The following UBE2E2 variants were observed in gnomAD, a reference collection of about 807,000 sequenced individuals.
UBE2E2 encodes ubiquitin-conjugating enzyme E2 E2.
In UBE2E2, 6 loss-of-function variants were observed where a neutral mutation model predicts 24.7. That is an observed-to-expected ratio of 0.24 (90% confidence interval 0.13 to 0.48). The LOEUF is 0.48. Among genes scored for constraint, UBE2E2 ranks in the 20% least tolerant of loss-of-function variants. UBE2E2 has a pLI of 0.99. For missense variants in UBE2E2, 169 were observed against 245.0 expected (o/e 0.69, Z 2.07); for synonymous variants, 104 against 83.6 (o/e 1.24, Z -1.33).
chr3:23,257,506 T>G (rs1255274229), intron 3 of UBE2E2, among the ~76,000 whole-genome samples: 5 of 102,260 alleles, frequency 4.9e-5, no homozygotes, highest in Non-Finnish European at 1.1e-4. Flanking sequence ...TCTGGCTGTT[T>G]CCCGTGCCCC....
chr3:23,283,803 G>T (rs1472762083), intron 3 of UBE2E2, among the ~76,000 whole-genome samples: 2 of 152,104 alleles, frequency 1.3e-5, no homozygotes, highest in Admixed American at 6.6e-5. Flanking sequence ...CAGAGGTCAC[G>T]TGGGAGGTTG....
At chr3:23,525,897 A>C (rs2125479518) in intron 4 of UBE2E2, among the ~76,000 whole-genome samples, 1 of 152,338 alleles carries the variant, frequency 6.6e-6, no homozygotes, top group South Asian at 2.1e-4. Flanking sequence ...TCCTTCTGGC[A>C]GTTGCAAATT....
At chr3:23,568,537 T>A (rs897034369) in intron 5 of UBE2E2, among the ~76,000 whole-genome samples, 1 of 151,020 alleles carries the variant, frequency 6.6e-6, no homozygotes, top group Admixed American at 6.6e-5. Flanking sequence ...AAAGAGAATT[T>A]ATTTTCTCTG....
At chr3:23,275,364 C>T (rs1698353554) in intron 3 of UBE2E2, among the ~76,000 whole-genome samples, 1 of 152,138 alleles carries the variant, frequency 6.6e-6, no homozygotes, top group African/African-American at 2.4e-5. Context: ...AAACGGTGGA[C>T]ATGTCCCGGA....
At chr3:23,576,776 G>C (rs963027049) in intron 5 of UBE2E2, among the ~76,000 whole-genome samples, 1 of 152,198 alleles carries the variant, frequency 6.6e-6, no homozygotes, top group African/African-American at 2.4e-5. Flanking sequence ...ACCTGGAACA[G>C]AGTAGGGGCT....
intron 3 of UBE2E2, among the ~76,000 whole-genome samples, chr3:23,379,490 C>T (rs964972672): frequency 6.9e-6 from 1 of 144,580 alleles, no homozygotes; most frequent in Non-Finnish European, 1.5e-5. Context: ...TGAGAATATG[C>T]GGTGTTTGGT....
chr3:23,437,016 C>T (rs1175196915), intron 3 of UBE2E2, among the ~76,000 whole-genome samples: 3 of 152,218 alleles, frequency 2.0e-5, no homozygotes, highest in African/African-American at 4.8e-5. Flanking sequence ...AAAGGTAAAT[C>T]AGTACACATA....
chr3:23,556,777 AT>A (rs1196733207), intron 5 of UBE2E2, among the ~76,000 whole-genome samples: 1 of 152,198 alleles, frequency 6.6e-6, no homozygotes, highest in Non-Finnish European at 1.5e-5. Flanking sequence ...TATATTTTAA[AT>A]TAACTCATAA....
At chr3:23,349,020 T>C (rs1016530277) in intron 3 of UBE2E2, among the ~76,000 whole-genome samples, 7 of 152,052 alleles carry the variant, frequency 4.6e-5, no homozygotes. Flanking sequence ...CAGGAGTTGA[T>C]AGTACTGAGT....
At chr3:23,503,858 GAATA>G (rs139081184) in intron 4 of UBE2E2, among the ~76,000 whole-genome samples, 27,010 of 151,780 alleles carry the variant, frequency 0.18, 2,449 homozygotes, top group Middle Eastern at 0.23. Context: ...GTCTCTAAAT[GAATA>G]AATAAATAAG....
At chr3:23,439,544 G>A (rs1239953421) in intron 3 of UBE2E2, among the ~76,000 whole-genome samples, 1 of 152,148 alleles carries the variant, frequency 6.6e-6, no homozygotes, top group Non-Finnish European at 1.5e-5. Context: ...AAGTCTCTAG[G>A]ACCCCAAAGA....
intron 3 of UBE2E2, among the ~76,000 whole-genome samples, chr3:23,281,497 C>G (rs942752263): frequency 6.6e-6 from 1 of 152,070 alleles, no homozygotes; most frequent in African/African-American, 2.4e-5. Context: ...ATTAGTTGGG[C>G]CCAGTGGCAT....
At chr3:23,560,237 C>A (rs956814454) in intron 5 of UBE2E2, among the ~76,000 whole-genome samples, 1 of 122,736 alleles carries the variant, frequency 8.1e-6, no homozygotes, top group East Asian at 3.0e-4. Flanking sequence ...CCACAACAGG[C>A]CCCGGTGTGT....
At chr3:23,401,331 C>T (rs1044540069) in intron 3 of UBE2E2, among the ~76,000 whole-genome samples, 12 of 152,182 alleles carry the variant, frequency 7.9e-5, no homozygotes, top group African/African-American at 2.9e-4. Context: ...AATGTAGCAG[C>T]TACTGGTTAT....
chr3:23,290,422 G>A (rs1227344437), intron 3 of UBE2E2, among the ~76,000 whole-genome samples: 3 of 152,098 alleles, frequency 2.0e-5, no homozygotes, highest in Non-Finnish European at 4.4e-5. Context: ...TCTGGGATGG[G>A]GCCTAAGATT....
intron 3 of UBE2E2, among the ~76,000 whole-genome samples, chr3:23,325,053 T>TA: frequency 6.6e-6 from 1 of 152,290 alleles, no homozygotes; most frequent in Middle Eastern, 3.4e-3. Flanking sequence ...GATAAGCTGA[T>TA]ACAAAGTTGT....
chr3:23,522,590 T>C (rs1288076458), intron 4 of UBE2E2, among the ~76,000 whole-genome samples: 1 of 152,094 alleles, frequency 6.6e-6, no homozygotes, highest in African/African-American at 2.4e-5. Context: ...TTTTAACCCA[T>C]TGAGAAGGAA....
At chr3:23,217,870 G>A (rs2220886) in intron 3 of UBE2E2, among the ~76,000 whole-genome samples, 1 of 151,934 alleles carries the variant, frequency 6.6e-6, no homozygotes, top group Non-Finnish European at 1.5e-5. Context: ...TTTACTTTTA[G>A]GAAAGAAAAG....
In UBE2E2 at chr3:23,217,305, A is replaced by T; in HGVS notation, c.220A>T (p.Asn74Tyr). 6.2e-7 allele frequency: 1 copy of T among 1,612,712 alleles called. No homozygotes were observed. The highest frequency in any genetic ancestry group is 8.5e-7 in the Non-Finnish European group (1 of 1,179,052). The change falls in exon 3 of 6, where the codon AAC (asparagine) becomes TAC (tyrosine). Residue 74 changes from asparagine (N) to tyrosine (Y), a missense_variant. Around this residue, in one of 2 missense-constraint regions of UBE2E2, gnomAD observed 105 missense variants for 180.7 expected, o/e 0.58. Coordinates refer to ENST00000396703, the MANE Select transcript of UBE2E2 (RefSeq NM_152653.4). Reference sequence around the variant, plus strand: ...AGAAATCACATTGGACCCTCCTCCCAACTGTAGGTAAGTACTCATGGTTTT... The same window carrying T: ...AGAAATCACATTGGACCCTCCTCCCTACTGTAGGTAAGTACTCATGGTTTT... ...LAEITLDPPP[N>Y]CSAGPKGDNI... is the part of the protein sequence containing the mutation.
Sources: allele counts gnomAD v4.1 joint callset (sites outside exome capture counted in the v4.1 genomes callset), GRCh38; gene constraint gnomAD v4.1.1; regional missense constraint gnomAD v4.1.1; transcripts MANE v1.5; gene names NCBI Gene and HGNC (gene_info 2026-07-23, HGNC 2026-07-21).